Variants in PLD3 observed in about 807,000 individuals in gnomAD.
PLD3 encodes the protein phospholipase D family member 3.
Under a neutral mutation model 58.4 loss-of-function variants are expected in PLD3, and 31 were observed. The ratio of observed to expected loss-of-function variants is 0.53; its 90% CI spans 0.40 to 0.72. The LOEUF (loss-of-function observed/expected upper bound fraction) is 0.72, where lower values mean the gene tolerates loss of function less well. Among genes scored for constraint, PLD3 ranks in the 30% least tolerant of loss-of-function variants. PLD3 has a pLI of 0.00. For synonymous variants in PLD3, 264 were observed against 273.4 expected (o/e 0.97, Z 0.34); for missense variants, 595 against 659.8 (o/e 0.90, Z 1.08).
intron 9 of PLD3, among the ~76,000 whole-genome samples, chr19:40,373,598 A>G (rs1345544243): frequency 4.4e-5 from 6 of 136,142 alleles, no homozygotes; most frequent in African/African-American, 2.7e-5. Context: ...AAGGGGGGGA[A>G]GCGGGGGAGC....
chr19:40,374,493 C>T lies in PLD3; in HGVS notation c.892C>T (p.Pro298Ser). Residue 298 changes from proline (P) to serine (S), a missense_variant, in exon 10 of 13, where the codon CCC becomes TCC. Physicochemically the swap from Pro to Ser is moderately conservative, Grantham distance 74. Transcript: ENST00000409735. ...ALAYLASAPP[P>S]LCPSGRTPDL... Reference sequence around the variant, plus strand: ...CCCTCGCCCTCAGAGTGCGCCCCCACCCCTGTGTCCAAGTGGCCGCACTCC... The same window carrying T: ...CCCTCGCCCTCAGAGTGCGCCCCCATCCCTGTGTCCAAGTGGCCGCACTCC... 1 of 1,614,136 alleles carries T rather than the reference C, an allele frequency of 6.2e-7. No individual in the cohort carries two copies. The highest frequency in any genetic ancestry group is 8.5e-7 in the Non-Finnish European group (1 of 1,180,024).
intron 9 of PLD3, among the ~76,000 whole-genome samples, chr19:40,374,073 A>G (rs2079132412): frequency 6.6e-6 from 1 of 151,978 alleles, no homozygotes; most frequent in Non-Finnish European, 1.5e-5. Context: ...GGCTTGTTAA[A>G]ACCCAGATTC....
chr19:40,369,847 T>A, intron 6 of PLD3, 61 bp from the exon 7 acceptor site: 1 of 1,471,138 alleles, frequency 6.8e-7, no homozygotes, highest in Non-Finnish European at 9.1e-7. Flanking sequence ...CACCGGGCAT[T>A]ACCTTGTGGG....
chr19:40,369,986 G>C lies in PLD3; in HGVS notation c.508G>C (p.Gly170Arg). The C allele has an allele frequency of 6.4e-7, 1 of 1,560,290 alleles. No homozygotes were observed. The highest frequency in any genetic ancestry group is 1.2e-5 in the South Asian group (1 of 85,146). Reference sequence around the variant, plus strand: ...CCGCATCGCTGTGAGCAAGCCCAGCGGGCCCCAGCCACAGGCGGACCTGCA... The same window carrying C: ...CCGCATCGCTGTGAGCAAGCCCAGCCGGCCCCAGCCACAGGCGGACCTGCA... ...NVRIAVSKPS[G>R]PQPQADLQAL... is the part of the protein sequence containing the mutation. Residue 170 changes from glycine to arginine, a missense_variant, in exon 7 of 13, where the codon GGG becomes CGG. Physicochemically the swap from Gly to Arg is moderately radical, Grantham distance 125. Coordinates refer to ENST00000409735, the MANE Select transcript of PLD3 (RefSeq NM_012268.4).
At chr19:40,362,881 TG>T (rs2078821647) in intron 1 of PLD3, among the ~76,000 whole-genome samples, 1 of 152,242 alleles carries the variant, frequency 6.6e-6, no homozygotes, top group Non-Finnish European at 1.5e-5. Context: ...ACTGACAATT[TG>T]AACGAAGTCC....
chr19:40,355,612 CT>C (rs60422933), intron 1 of PLD3, among the ~76,000 whole-genome samples: 36,918 of 80,648 alleles, frequency 0.46, 7,397 homozygotes, highest in South Asian at 0.61. Flanking sequence ...GTGCCGGCTC[CT>C]TTTTTTTTTT....
intron 1 of PLD3, among the ~76,000 whole-genome samples, chr19:40,364,174 T>G (rs1428779169): frequency 6.6e-6 from 1 of 150,750 alleles, no homozygotes; most frequent in Non-Finnish European, 1.5e-5. Flanking sequence ...GCCAACTTGG[T>G]GAAACCCTGT....
chr19:40,367,449 T>G, intron 5 of PLD3: 1 of 420,900 alleles, frequency 2.4e-6, no homozygotes, highest in Non-Finnish European at 4.3e-6. Context: ...GGCATACTGG[T>G]GCACACCTGT....
At chr19:40,353,223 A>G (rs191122950) in intron 1 of PLD3, among the ~76,000 whole-genome samples, 7 of 152,312 alleles carry the variant, frequency 4.6e-5, no homozygotes, top group Non-Finnish European at 8.8e-5. Context: ...CGAGGTCAGG[A>G]GTTCGAGACC....
chr19:40,356,202 T>C (rs1335292808), intron 1 of PLD3: 3 of 152,236 alleles, frequency 2.0e-5, no homozygotes, highest in Admixed American at 2.0e-4. Flanking sequence ...ATCATAAATA[T>C]GGCTGGGGTG....
rs751444939 is a variant in PLD3, at chr19:40,348,696, G to T, written c.-351G>T. ...AGTGCGCCTGCGCGCGGCTAGGAGG[G>T]GCCGTCAGGCGGGGATACAGCCTGG... On this transcript the variant is annotated 5_prime_UTR_variant, in exon 1 of 13. Coordinates refer to ENST00000409735, the MANE Select transcript of PLD3 (RefSeq NM_012268.4). The T allele has an allele frequency of 2.0e-4, 138 of 680,704 alleles. No homozygotes were observed. Among genetic ancestry groups the T allele is most frequent in the Middle Eastern group, 3.0e-4 (1 of 3,304 alleles). The allele number at this position is 680,704 out of a possible 1,614,324, so 42.2% of individuals were successfully genotyped here.
chr19:40,377,689 T>A (rs1354601012), intron 11 of PLD3, 97 bp from the exon 12 acceptor site: 1 of 826,054 alleles, frequency 1.2e-6, no homozygotes, highest in East Asian at 2.6e-5. Flanking sequence ...AGCAGTGGAG[T>A]CCCACAGATC....
At chr19:40,349,881 C>T (rs1345622764) in intron 1 of PLD3, among the ~76,000 whole-genome samples, 3 of 150,740 alleles carry the variant, frequency 2.0e-5, no homozygotes, top group African/African-American at 4.9e-5. Context: ...TGGCTTGAAC[C>T]GGGGAGGTGG....
intron 5 of PLD3, chr19:40,367,391 G>A (rs1361306157): frequency 6.8e-6 from 2 of 295,548 alleles, no homozygotes; most frequent in Non-Finnish European, 1.3e-5. Flanking sequence ...GACCAGCCTG[G>A]GCAATGTAGT....
chr19:40,377,757 A>G (rs2079272800), intron 11 of PLD3, 29 bp from the exon 12 acceptor site: 6 of 1,566,950 alleles, frequency 3.8e-6, no homozygotes, highest in African/African-American at 1.4e-5. Context: ...TGCCTCTCAC[A>G]CTCCTTCCCA....
chr19:40,363,837 T>C (rs2078847643), intron 1 of PLD3, among the ~76,000 whole-genome samples: 1 of 151,702 alleles, frequency 6.6e-6, no homozygotes, highest in Admixed American at 6.6e-5. Context: ...TAGGGAGGAG[T>C]TTGCAAGTTA....
At chr19:40,355,081 C>T (rs56038007) in intron 1 of PLD3, among the ~76,000 whole-genome samples, 1,939 of 151,992 alleles carry the variant, frequency 0.013, 19 homozygotes, top group Non-Finnish European at 0.02. Flanking sequence ...TCAAGTGATA[C>T]ACCCACCTCG....
At chr19:40,364,021 TTCTATACTTC>T (rs1248817751) in intron 1 of PLD3, among the ~76,000 whole-genome samples, 1 of 152,180 alleles carries the variant, frequency 6.6e-6, no homozygotes, top group Non-Finnish European at 1.5e-5. Context: ...CCGAGATATT[TTCTATACTTC>T]TCTGAAAATA....
chr19:40,363,054 G>A (rs1299084797), intron 1 of PLD3, among the ~76,000 whole-genome samples: 1 of 151,762 alleles, frequency 6.6e-6, no homozygotes, highest in Non-Finnish European at 1.5e-5. Flanking sequence ...TGTGAGCCAC[G>A]GTGCCAGGCC....
Sources: gnomAD v4.1 joint callset for allele counts (sites outside exome capture counted in the v4.1 genomes callset) on GRCh38, gnomAD v4.1.1 for gene constraint, MANE v1.5 for transcripts, NCBI Gene and HGNC (gene_info 2026-07-23, HGNC 2026-07-21) for gene names.